The following UBE2Q2 variants were observed in gnomAD, a reference collection of about 807,000 sequenced individuals.
UBE2Q2 encodes ubiquitin conjugating enzyme E2 Q2.
A neutral mutation model predicts 59.9 loss-of-function variants in UBE2Q2; 54 were observed. That is an observed-to-expected ratio of 0.90 (90% CI 0.72 to 1.13). The LOEUF (loss-of-function observed/expected upper bound fraction) is 1.13, where lower values mean the gene tolerates loss of function less well. Ranked by LOEUF, UBE2Q2 falls within the 50% of genes most tolerant of loss-of-function variation. The pLI is 0.00. For synonymous variants in UBE2Q2, 165 were observed against 155.2 expected (o/e 1.06, Z -0.47); for missense variants, 433 against 441.9 (o/e 0.98, Z 0.18).
chr15:75,890,713 A>G (rs1899050440), intron 10 of UBE2Q2, among the ~76,000 whole-genome samples: 1 of 152,154 alleles, frequency 6.6e-6, no homozygotes, highest in Non-Finnish European at 1.5e-5. Context: ...TTAAGGTTCT[A>G]ATTTGCTCAT....
chr15:75,861,143 G>A (rs143934050), intron 3 of UBE2Q2, among the ~76,000 whole-genome samples: 6 of 152,286 alleles, frequency 3.9e-5, no homozygotes, highest in East Asian at 3.9e-4. Flanking sequence ...AAATGAGTTC[G>A]TACAAGTAAA....
At chr15:75,876,837 A>G (rs1248033892) in intron 6 of UBE2Q2, among the ~76,000 whole-genome samples, 2 of 152,198 alleles carry the variant, frequency 1.3e-5, no homozygotes, top group African/African-American at 4.8e-5. Context: ...TAATAGTATT[A>G]AATAATGAGC....
chr15:75,846,105 C>T lies in UBE2Q2; in HGVS notation c.180+2259C>T, dbSNP rs185010236. The stretch of plus-strand genomic sequence containing the variant: ...AGTTGAACAGTGTAATGTAGCCAGC[C>T]TCAACAATGATAAACTTTTGGCTAA... On this transcript the variant is annotated intron_variant, in intron 1 of 12. Transcript: ENST00000267938. 1.3e-3 allele frequency among the ~76,000 whole-genome samples: 199 copies of T among 152,278 alleles called. 2 individuals are homozygous for T. Among genetic ancestry groups the T allele is most frequent in the Admixed American group, 4.4e-3 (67 of 15,296 alleles).
chr15:75,888,330 A>G (rs1449447589), intron 9 of UBE2Q2, among the ~76,000 whole-genome samples: 1 of 152,196 alleles, frequency 6.6e-6, no homozygotes, highest in Non-Finnish European at 1.5e-5. Flanking sequence ...GACATTTCAT[A>G]TAAATAGAAT....
intron 9 of UBE2Q2, among the ~76,000 whole-genome samples, chr15:75,887,859 A>G (rs1898873782): frequency 6.6e-6 from 1 of 152,222 alleles, no homozygotes; most frequent in Non-Finnish European, 1.5e-5. Flanking sequence ...GGCAAAATCA[A>G]AATGGCTTGC....
At chr15:75,886,177 T>C (rs948456918) in intron 9 of UBE2Q2, among the ~76,000 whole-genome samples, 5 of 151,956 alleles carry the variant, frequency 3.3e-5, no homozygotes, top group African/African-American at 1.2e-4. Flanking sequence ...TGGAGTGCAG[T>C]GGCGCAATCT....
chr15:75,843,950 C>T, intron 1 of UBE2Q2, 104 bp downstream of exon 1: 3 of 1,416,632 alleles, frequency 2.1e-6, no homozygotes, highest in South Asian at 1.5e-5. Context: ...CTCCGGCTCC[C>T]CGGGCGGGGC....
chr15:75,889,419 A>T lies in UBE2Q2; in HGVS notation c.885-1016A>T, dbSNP rs184594474. Among the ~76,000 whole-genome samples the T allele has an allele frequency of 7.0e-4, 106 of 152,304 alleles. 1 individual carries two copies. The highest frequency in any genetic ancestry group is 5.9e-4 in the Non-Finnish European group (40 of 68,028). On this transcript the variant is annotated intron_variant, in intron 9 of 12. Coordinates refer to ENST00000267938, the MANE Select transcript of UBE2Q2 (RefSeq NM_173469.4). ...TAACAATTATTAATGTTAGTGGTCT[A>T]CAGTAAAAGTTTTTAGATGCCTTGT...
chr15:75,857,724 G>A lies in UBE2Q2; in HGVS notation c.283-2154G>A, dbSNP rs187772447. 2.1e-3 allele frequency among the ~76,000 whole-genome samples: 307 copies of A among 147,280 alleles called. 1 individual carries two copies. The highest frequency in any genetic ancestry group is 3.6e-3 in the Non-Finnish European group (243 of 67,286). ...GAGTTGGTTAAATAAAAATCATAGT[G>A]TATAGTTTTATAATAGAATATTCTG... On this transcript the variant is annotated intron_variant, in intron 2 of 12. Transcript: ENST00000267938.
At chr15:75,881,791 A>G (rs1898443282) in intron 8 of UBE2Q2, among the ~76,000 whole-genome samples, 1 of 152,234 alleles carries the variant, frequency 6.6e-6, no homozygotes, top group Non-Finnish European at 1.5e-5. Flanking sequence ...TGGTAAATCC[A>G]ACTTGCTATA....
chr15:75,874,987 A>G (rs549566568), intron 5 of UBE2Q2, among the ~76,000 whole-genome samples: 8 of 152,344 alleles, frequency 5.3e-5, no homozygotes, highest in African/African-American at 1.9e-4. Context: ...TCTAATTTAT[A>G]ATTTTTAGTA....
chr15:75,873,398 A>T (rs1897898439), intron 4 of UBE2Q2, 30 bp from the exon 5 acceptor site: 1 of 1,560,214 alleles, frequency 6.4e-7, no homozygotes, highest in Non-Finnish European at 8.6e-7. Flanking sequence ...AAATAGGTTG[A>T]ATAAGCTAAC....
chr15:75,900,858 T>C lies in UBE2Q2; in HGVS notation c.*1400T>C, dbSNP rs74024017. The C allele has an allele frequency of 0.036, 5,465 of 152,752 alleles. 174 individuals are homozygous for C. Among genetic ancestry groups the C allele is most frequent in the African/African-American group, 0.082 (3,396 of 41,568 alleles). 9.5% of individuals were successfully genotyped at this position (152,752 alleles called of 1,614,324 possible). The stretch of plus-strand genomic sequence containing the variant: ...AATTCTTTAAATCAGTAAAGTTCCT[T>C]AAGCCTAAGGCTAAATCTTGAATAC... On this transcript the variant is annotated 3_prime_UTR_variant, in exon 13 of 13. Transcript: ENST00000267938.
chr15:75,887,392 A>G (rs540363146), intron 9 of UBE2Q2, among the ~76,000 whole-genome samples: 1 of 152,146 alleles, frequency 6.6e-6, no homozygotes, highest in Non-Finnish European at 1.5e-5. Flanking sequence ...AATGATTTAC[A>G]TAGGTGAAAA....
intron 11 of UBE2Q2, among the ~76,000 whole-genome samples, chr15:75,891,247 G>T (rs74343680): frequency 0.027 from 4,055 of 152,150 alleles, 207 homozygotes; most frequent in African/African-American, 0.093. Flanking sequence ...TATATTTGCT[G>T]TAGATAAACA....
At position 75,897,009 on chromosome 15, in the gene UBE2Q2, A is replaced by G; in HGVS notation, c.1044A>G (p.Leu348=). The G allele has an allele frequency of 6.4e-7, 1 of 1,567,930 alleles. No homozygotes were observed. Among genetic ancestry groups the G allele is most frequent in the Non-Finnish European group, 8.7e-7 (1 of 1,153,392 alleles). Reference sequence around the variant, plus strand: ...TTCTCTTTCAGAATCAATATAATCTAGCAAGAGCCCAACAATCCTATAATT... The same window carrying G: ...TTCTCTTTCAGAATCAATATAATCTGGCAAGAGCCCAACAATCCTATAATT... ...QFGANKNQYN[L]ARAQQSYNSI... Residue 348 remains leucine, a synonymous_variant, in exon 12 of 13, where the codon CTA becomes CTG. Coordinates refer to ENST00000267938, the MANE Select transcript of UBE2Q2 (RefSeq NM_173469.4).
At chr15:75,849,120 GGTT>G (rs1219235240) in intron 1 of UBE2Q2, among the ~76,000 whole-genome samples, 6 of 152,094 alleles carry the variant, frequency 3.9e-5, no homozygotes, top group Admixed American at 2.6e-4. Context: ...TTAGCTACTT[GGTT>G]GTTTATTTGT....
chr15:75,844,270 A>G, intron 1 of UBE2Q2: 1 of 1,532,752 alleles, frequency 6.5e-7, no homozygotes, highest in East Asian at 2.5e-5. Flanking sequence ...TTAAGTTTTA[A>G]CGCCTCATTT....
intron 11 of UBE2Q2, among the ~76,000 whole-genome samples, chr15:75,892,463 A>C (rs186311391): frequency 2.0e-5 from 3 of 152,234 alleles, no homozygotes; most frequent in Non-Finnish European, 4.4e-5. Flanking sequence ...GAAATCTAAT[A>C]TAAAGAAAAA....
Sources: gnomAD v4.1 joint callset for allele counts (sites outside exome capture counted in the v4.1 genomes callset) on GRCh38, gnomAD v4.1.1 for gene constraint, MANE v1.5 for transcripts, NCBI Gene and HGNC (gene_info 2026-07-23, HGNC 2026-07-21) for gene names.